The following TNRC6B variants were observed in gnomAD, a reference collection of about 807,000 sequenced individuals.
TNRC6B encodes trinucleotide repeat containing adaptor 6B.
A neutral mutation model predicts 203.6 loss-of-function variants in TNRC6B; 52 were observed. That is an observed-to-expected ratio of 0.26 (90% confidence interval 0.20 to 0.32). The LOEUF is 0.32. TNRC6B is among the 10% of genes least tolerant of loss of function. The pLI is 1.00. For synonymous variants in TNRC6B, 838 were observed against 845.7 expected, an observed-to-expected ratio of 0.99 and a Z score of 0.16; for missense variants, 1,923 against 2,286.2, an observed-to-expected ratio of 0.84 and a Z score of 3.24.
intron 1 of TNRC6B, among the ~76,000 whole-genome samples, chr22:40,235,095 T>G (rs928537096): frequency 2.0e-5 from 3 of 152,208 alleles, no homozygotes; most frequent in Non-Finnish European, 4.4e-5. Context: ...AATCCTTAAT[T>G]AGTTATAATT....
rs2068379334 is a variant in TNRC6B, at chr22:40,115,523, T to C, written c.-120-1532T>C. Among the ~76,000 whole-genome samples the C allele has an allele frequency of 2.0e-5, 3 of 152,282 alleles. No homozygotes were observed. In the East Asian group the frequency reaches 5.8e-4, roughly 29 times the overall value. ...CAAGTACTGAATTGCTGGGATCCCATTGGGATTCAGTTCAGCTTATGTTTA... is the reference window on the plus strand; with the variant it reads ...CAAGTACTGAATTGCTGGGATCCCACTGGGATTCAGTTCAGCTTATGTTTA... On this transcript the variant is annotated intron_variant, in intron 1 of 23. Coordinates refer to the TNRC6B transcript ENST00000301923.
At chr22:40,295,958 CCT>C (rs1169124097) in intron 12 of TNRC6B, among the ~76,000 whole-genome samples, 1 of 152,086 alleles carries the variant, frequency 6.6e-6, no homozygotes, top group Non-Finnish European at 1.5e-5. Context: ...TGGAGCCCTC[CCT>C]GTCTGTGATT....
At chr22:40,238,031 T>C (rs2069972090) in intron 1 of TNRC6B, among the ~76,000 whole-genome samples, 1 of 152,166 alleles carries the variant, frequency 6.6e-6, no homozygotes, top group South Asian at 2.1e-4. Context: ...GTTCGTTGTT[T>C]TGAGGCTGTT....
intron 1 of TNRC6B, among the ~76,000 whole-genome samples, chr22:40,098,409 AG>A (rs1410275994): frequency 1.5e-4 from 22 of 149,512 alleles, no homozygotes; most frequent in Non-Finnish European, 2.4e-4. Flanking sequence ...AAAAAAAAAA[AG>A]GGAATTACTA....
intron 11 of TNRC6B, among the ~76,000 whole-genome samples, chr22:40,283,153 A>C (rs983172886): frequency 6.6e-6 from 1 of 152,050 alleles, no homozygotes; most frequent in Admixed American, 6.6e-5. Flanking sequence ...CTCCTGCCTC[A>C]GCCTCCTGAG....
At chr22:40,283,903 T>C (rs1229308035) in intron 11 of TNRC6B, among the ~76,000 whole-genome samples, 1 of 152,248 alleles carries the variant, frequency 6.6e-6, no homozygotes, top group East Asian at 1.9e-4. Context: ...GCAGGAACTT[T>C]AGTTACCAGT....
At chr22:40,301,921 T>C (rs1367294434) in intron 15 of TNRC6B, among the ~76,000 whole-genome samples, 1 of 152,246 alleles carries the variant, frequency 6.6e-6, no homozygotes, top group African/African-American at 2.4e-5. Context: ...CCTATTTAAA[T>C]GCTTGTGCAT....
intron 1 of TNRC6B, chr22:40,106,569 G>A (rs969662018): frequency 3.6e-5 from 26 of 726,898 alleles, no homozygotes; most frequent in Admixed American, 2.3e-4. Context: ...AAAGCAATTC[G>A]CTTCTTACTG....
At chr22:40,145,063 T>G (rs1020222110) in intron 3 of TNRC6B, among the ~76,000 whole-genome samples, 3 of 75,590 alleles carry the variant, frequency 4.0e-5, no homozygotes, top group African/African-American at 3.1e-4. Flanking sequence ...CCTATCTAGC[T>G]CCACAAAAAA....
chr22:40,113,592 A>C (rs757070842), intron 1 of TNRC6B, among the ~76,000 whole-genome samples: 1 of 152,216 alleles, frequency 6.6e-6, no homozygotes, highest in Non-Finnish European at 1.5e-5. Context: ...CGTGAGCTCA[A>C]TCAATCTGCC....
At chr22:40,260,121 A>T (rs1289259190) in intron 3 of TNRC6B, among the ~76,000 whole-genome samples, 3 of 152,240 alleles carry the variant, frequency 2.0e-5, no homozygotes, top group Admixed American at 6.5e-5. Context: ...AATTAAGTTT[A>T]AAAAAATCAA....
At chr22:40,111,482 G>A (rs1226582053) in intron 1 of TNRC6B, among the ~76,000 whole-genome samples, 1 of 152,226 alleles carries the variant, frequency 6.6e-6, no homozygotes, top group Non-Finnish European at 1.5e-5. Context: ...AGAGTGGTGA[G>A]AAGCTATGCC....
At chr22:40,300,380 C>G in intron 12 of TNRC6B, 75 bp from the exon 13 acceptor site, 1 of 1,375,902 alleles carries the variant, frequency 7.3e-7, no homozygotes, top group Non-Finnish European at 9.6e-7. Context: ...AGATTCTTTT[C>G]ACAGAAAAAC....
chr22:40,143,912 G>T (rs2068668247), intron 3 of TNRC6B, among the ~76,000 whole-genome samples: 2 of 152,170 alleles, frequency 1.3e-5, no homozygotes, highest in African/African-American at 4.8e-5. Context: ...ACTCAAAAAT[G>T]TACAAAAGAC....
At position 40,332,464 on chromosome 22, in the gene TNRC6B, G is replaced by GCAA. The variant is rs2043992618; in HGVS notation, c.*9223_*9224insCAA. 6.6e-6 allele frequency: 1 copy of GCAA among 152,558 alleles called. No individual in the cohort carries two copies. Among genetic ancestry groups the GCAA allele is most frequent in the Admixed American group, 6.5e-5 (1 of 15,274 alleles). The allele number at this position is 152,558 out of a possible 1,614,324, so 9.5% of individuals were successfully genotyped here. A position where few individuals can be genotyped will look rare whatever the true frequency, so the allele number is the denominator to read the frequency against. On this transcript the variant is annotated 3_prime_UTR_variant, in exon 23 of 23. Coordinates refer to ENST00000454349, the MANE Select transcript of TNRC6B (RefSeq NM_001162501.2). ...GAATCATAGCGCCTGCATTGCTCTG[G>GCAA]TCTAGGCATTATTTGCAACACACAG... is the stretch of plus-strand genomic sequence containing the variant.
chr22:40,138,072 A>T (rs2068615669), intron 3 of TNRC6B, among the ~76,000 whole-genome samples: 1 of 151,778 alleles, frequency 6.6e-6, no homozygotes, highest in Admixed American at 6.6e-5. Flanking sequence ...ACCAGTTAGG[A>T]GAGTTAGGAG....
chr22:40,235,061 C>G (rs913031850), intron 1 of TNRC6B, among the ~76,000 whole-genome samples: 1 of 152,014 alleles, frequency 6.6e-6, no homozygotes, highest in African/African-American at 2.4e-5. Flanking sequence ...TTTTTCTTAC[C>G]CCAAATTTGC....
chr22:40,215,603 C>G (rs1409621132), intron 1 of TNRC6B, among the ~76,000 whole-genome samples: 6 of 152,346 alleles, frequency 3.9e-5, no homozygotes, highest in African/African-American at 1.4e-4. Context: ...GCTGCATCCT[C>G]AGGGGTGTTG....
Position 40,315,424 on chromosome 22 carries a change from A to G in TNRC6B, c.4820A>G (p.Asn1607Ser), listed in dbSNP as rs2071244328. The part of the protein sequence containing the change: ...PLPRPPPGLT[N>S]PKPSSPWSST... ...CCCCGCCCACCTCCTGGTCTGACCAACCCCAAACCATCATCTCCCTGGAGC... is the reference window on the plus strand; with the variant it reads ...CCCCGCCCACCTCCTGGTCTGACCAGCCCCAAACCATCATCTCCCTGGAGC... Residue 1607 changes from asparagine to serine, a missense_variant, in exon 20 of 23, where the codon AAC becomes AGC. By Grantham distance (46) the Asn-to-Ser change is conservative. Transcript: ENST00000454349. 1.2e-6 allele frequency: 2 copies of G among 1,613,766 alleles called. No homozygotes were observed. Among genetic ancestry groups the G allele is most frequent in the African/African-American group, 2.7e-5 (2 of 74,864 alleles).
Sources: gnomAD v4.1 joint callset for allele counts (sites outside exome capture counted in the v4.1 genomes callset) on GRCh38, gnomAD v4.1.1 for gene constraint, MANE v1.5 for transcripts, NCBI Gene and HGNC (gene_info 2026-07-23, HGNC 2026-07-21) for gene names.